ADGRL2: variants seen among roughly 807,000 people sequenced by gnomAD.
ADGRL2 encodes calcium-independent alpha-latrotoxin receptor 2.
A neutral mutation model predicts 157.4 loss-of-function variants in ADGRL2; 44 were observed. The ratio of observed to expected loss-of-function variants is 0.28; its 90% confidence interval spans 0.22 to 0.36. ADGRL2 has a LOEUF of 0.36. Among genes scored for constraint, ADGRL2 ranks in the 10% least tolerant of loss-of-function variants. The pLI, the probability that ADGRL2 is intolerant of heterozygous loss-of-function variation, is 1.00. For missense variants in ADGRL2, 1,510 were observed against 1,768.9 expected (o/e 0.85, Z 2.63); for synonymous variants, 585 against 624.7 (o/e 0.94, Z 0.95).
At chr1:81,530,185 G>A (rs11806028) in intron 2 of ADGRL2, among the ~76,000 whole-genome samples, 114,140 of 151,938 alleles carry the variant, frequency 0.75, 43,418 homozygotes, top group East Asian at 0.9. Context: ...GAGGATGAAT[G>A]TACCCTCTTC....
intron 1 of ADGRL2, among the ~76,000 whole-genome samples, chr1:81,402,860 G>A (rs923221842): frequency 1.3e-5 from 2 of 152,110 alleles, no homozygotes; most frequent in African/African-American, 4.8e-5. Flanking sequence ...AGAGAGTTTT[G>A]TTGATTAATA....
chr1:81,632,754 CAAA>C (rs34612206), intron 3 of ADGRL2, among the ~76,000 whole-genome samples: 2 of 112,132 alleles, frequency 1.8e-5, no homozygotes, highest in African/African-American at 3.2e-5. Flanking sequence ...GACTCCGTCT[CAAA>C]AAAAAAAAAA....
At chr1:81,932,160 C>A (rs2148791234) in intron 3 of ADGRL2, among the ~76,000 whole-genome samples, 1 of 152,260 alleles carries the variant, frequency 6.6e-6, no homozygotes, top group African/African-American at 2.4e-5. Flanking sequence ...TTCTGTAGAA[C>A]ATAGTATATT....
intron 3 of ADGRL2, among the ~76,000 whole-genome samples, chr1:81,666,609 T>TA (rs1441766283): frequency 6.6e-6 from 1 of 152,202 alleles, no homozygotes; most frequent in Non-Finnish European, 1.5e-5. Context: ...GGGCCTGATG[T>TA]AAAAATGATA....
intron 3 of ADGRL2, among the ~76,000 whole-genome samples, chr1:81,671,270 C>A (rs897595165): frequency 1.3e-5 from 2 of 152,184 alleles, no homozygotes; most frequent in African/African-American, 4.8e-5. Context: ...GCCATTTGGA[C>A]AGGAAATTTT....
chr1:81,448,353 C>T (rs1202431829), intron 2 of ADGRL2, among the ~76,000 whole-genome samples: 1 of 151,856 alleles, frequency 6.6e-6, no homozygotes. Flanking sequence ...ACCATTTTGG[C>T]CAGGCTGATC....
chr1:81,414,459 G>A (rs1418031834), intron 1 of ADGRL2: 1 of 152,242 alleles, frequency 6.6e-6, no homozygotes, highest in Non-Finnish European at 1.5e-5. Flanking sequence ...AGCGTGATAT[G>A]AGCACACTTA....
chr1:81,870,100 C>A (rs1478368586), intron 2 of ADGRL2, among the ~76,000 whole-genome samples: 1 of 151,998 alleles, frequency 6.6e-6, no homozygotes, highest in East Asian at 1.9e-4. Context: ...GCGTATGTAT[C>A]TGCAGATAAA....
chr1:81,421,254 A>G (rs1411234525), intron 1 of ADGRL2, among the ~76,000 whole-genome samples: 1 of 152,176 alleles, frequency 6.6e-6, no homozygotes, highest in African/African-American at 2.4e-5. Flanking sequence ...AAAGCCTACA[A>G]TTTGCTGGGT....
chr1:81,318,220 C>T (rs916908172), intron 1 of ADGRL2, among the ~76,000 whole-genome samples: 1 of 152,090 alleles, frequency 6.6e-6, no homozygotes, highest in Non-Finnish European at 1.5e-5. Context: ...TACACCTGTA[C>T]AGCTGAATAA....
chr1:81,683,513 A>G (rs2148962498), intron 3 of ADGRL2, among the ~76,000 whole-genome samples: 1 of 152,276 alleles, frequency 6.6e-6, no homozygotes, highest in South Asian at 2.1e-4. Flanking sequence ...CTCATAGCTT[A>G]GCTCCCACAC....
chr1:81,441,980 C>T (rs2101682034), intron 1 of ADGRL2, among the ~76,000 whole-genome samples: 1 of 152,252 alleles, frequency 6.6e-6, no homozygotes, highest in East Asian at 1.9e-4. Context: ...ACTACAGATG[C>T]ACACTACCAT....
At chr1:81,697,542 G>T (rs2083470656), upstream of ADGRL2, among the ~76,000 whole-genome samples, 1 of 152,128 alleles carries the variant, frequency 6.6e-6, no homozygotes, top group African/African-American at 2.4e-5. Flanking sequence ...AAAGGGACCT[G>T]TCATCTTGCC....
At chr1:81,567,220 G>A (rs1488961850) in intron 2 of ADGRL2, among the ~76,000 whole-genome samples, 1 of 152,050 alleles carries the variant, frequency 6.6e-6, no homozygotes, top group African/African-American at 2.4e-5. Context: ...CAACATAGTA[G>A]TCACTATCAA....
intron 2 of ADGRL2, among the ~76,000 whole-genome samples, chr1:81,512,485 A>G (rs2079097609): frequency 6.6e-6 from 1 of 152,100 alleles, no homozygotes; most frequent in Admixed American, 6.5e-5. Flanking sequence ...TTCATTTTTA[A>G]GATGGTTCTG....
At chr1:81,980,769 T>A in intron 18 of ADGRL2, 1 of 666,746 alleles carries the variant, frequency 1.5e-6, no homozygotes, top group South Asian at 1.9e-5. Context: ...TTCCTTTTCC[T>A]CTTTCTGTCT....
chr1:81,477,980 G>A (rs2078307019), intron 2 of ADGRL2, among the ~76,000 whole-genome samples: 1 of 152,096 alleles, frequency 6.6e-6, no homozygotes, highest in African/African-American at 2.4e-5. Flanking sequence ...ATGGCACACT[G>A]TGTTCCAAAA....
chr1:81,416,323 A>AAAAAAG (rs1553162971), intron 1 of ADGRL2, among the ~76,000 whole-genome samples: 2 of 151,166 alleles, frequency 1.3e-5, no homozygotes, highest in South Asian at 2.1e-4. Flanking sequence ...TTGCAAAAAA[A>AAAAAAG]AAAAGAAAAG....
intron 17 of ADGRL2, among the ~76,000 whole-genome samples, chr1:81,977,533 A>G (rs1660518026): frequency 6.6e-6 from 1 of 151,696 alleles, no homozygotes; most frequent in Admixed American, 6.6e-5. Context: ...CCATTGAAAA[A>G]TATTTCTTCT....
Sources: allele counts gnomAD v4.1 joint callset (sites outside exome capture counted in the v4.1 genomes callset), GRCh38; gene constraint gnomAD v4.1.1; transcripts MANE v1.5; gene names NCBI Gene and HGNC (gene_info 2026-07-23, HGNC 2026-07-21).